Variants in MAGI1 observed in about 807,000 individuals in gnomAD.
The protein encoded by MAGI1 is membrane associated guanylate kinase, WW and PDZ domain containing 1.
A neutral mutation model predicts 139.9 loss-of-function variants in MAGI1; 58 were observed. The ratio of observed to expected loss-of-function variants is 0.41; its 90% CI spans 0.34 to 0.52. The LOEUF (loss-of-function observed/expected upper bound fraction) is 0.52. Ranked by LOEUF, MAGI1 falls within the 20% of genes least tolerant of loss-of-function variation. The probability of loss-of-function intolerance (pLI) is 0.12; values close to 1 mark genes in which losing one functional copy is unlikely to be tolerated. For synonymous variants in MAGI1, 812 were observed against 737.9 expected (o/e 1.10, Z -1.63); for missense variants, 1,874 against 1,901.6 (o/e 0.99, Z 0.27).
intron 1 of MAGI1, among the ~76,000 whole-genome samples, chr3:65,966,883 T>C (rs898711193): frequency 1.3e-5 from 2 of 152,236 alleles, no homozygotes; most frequent in African/African-American, 4.8e-5. Context: ...AACATTACTT[T>C]AGCACTTACT....
chr3:65,602,978 T>C (rs1443185161), intron 2 of MAGI1, among the ~76,000 whole-genome samples: 2 of 152,136 alleles, frequency 1.3e-5, no homozygotes, highest in African/African-American at 4.8e-5. Flanking sequence ...TACCAATTAA[T>C]TTAAAATCTA....
intron 1 of MAGI1, among the ~76,000 whole-genome samples, chr3:65,753,047 T>TG (rs1300632383): frequency 3.3e-5 from 5 of 152,120 alleles, no homozygotes; most frequent in Non-Finnish European, 7.4e-5. Context: ...TTTTGACAAG[T>TG]GTCAGAATGA....
At chr3:65,503,405 T>C (rs1437705135) in intron 2 of MAGI1, among the ~76,000 whole-genome samples, 5 of 152,168 alleles carry the variant, frequency 3.3e-5, no homozygotes, top group Admixed American at 1.3e-4. Flanking sequence ...AGAAGCACCA[T>C]TTTGAATAAT....
At chr3:65,777,866 TA>T (rs913840621) in intron 1 of MAGI1, among the ~76,000 whole-genome samples, 1 of 152,038 alleles carries the variant, frequency 6.6e-6, no homozygotes, top group Non-Finnish European at 1.5e-5. Flanking sequence ...TTAAATTATA[TA>T]AAAAATTTAG....
chr3:65,389,435 T>C lies in MAGI1; in HGVS notation c.2416+1707A>G, dbSNP rs3772192. Among the ~76,000 whole-genome samples, 81 of 152,258 alleles carry C rather than the reference T, an allele frequency of 5.3e-4. No homozygotes were observed. In the East Asian group the frequency reaches 0.015, roughly 27 times the overall value. On this transcript the variant is annotated intron_variant, in intron 14 of 22. Transcript: ENST00000402939. ...AAAAGATTCATACAGGAAAACTCAATCATAAATGTGTACTGTATTGAGGAG... is the reference window on the plus strand; with the variant it reads ...AAAAGATTCATACAGGAAAACTCAACCATAAATGTGTACTGTATTGAGGAG...
intron 2 of MAGI1, among the ~76,000 whole-genome samples, chr3:65,542,817 A>G (rs141372914): frequency 8.3e-4 from 127 of 152,328 alleles, no homozygotes; most frequent in African/African-American, 2.8e-3. Context: ...AACCTAGGCA[A>G]TATCATTCAG....
At chr3:65,559,797 G>A (rs1032206687) in intron 2 of MAGI1, among the ~76,000 whole-genome samples, 2 of 152,294 alleles carry the variant, frequency 1.3e-5, no homozygotes, top group Non-Finnish European at 2.9e-5. Flanking sequence ...AGCACTACGG[G>A]AGGCCAGCAG....
intron 18 of MAGI1, 148 bp downstream of exon 18, chr3:65,375,597 T>C: frequency 1.5e-6 from 1 of 674,838 alleles, no homozygotes; most frequent in South Asian, 1.9e-5. Flanking sequence ...GATGGGTATA[T>C]TTAGTTAGGG....
chr3:65,736,574 G>A (rs1280040275), intron 1 of MAGI1, among the ~76,000 whole-genome samples: 1 of 152,104 alleles, frequency 6.6e-6, no homozygotes, highest in African/African-American at 2.4e-5. Flanking sequence ...CCTGGGGTGG[G>A]TAAGGGCAGC....
intron 1 of MAGI1, among the ~76,000 whole-genome samples, chr3:66,021,106 T>C (rs1210402597): frequency 6.6e-6 from 1 of 152,210 alleles, no homozygotes; most frequent in African/African-American, 2.4e-5. Context: ...GTGGAGGCAC[T>C]GTCTTCTGTG....
chr3:65,837,529 T>C lies in MAGI1; in HGVS notation c.313+200467A>G, dbSNP rs1314808765. Reference sequence around the variant, plus strand: ...GAACCATAACCAGTAGATGCCTTCGTCCTCTGCTTCTATAAAATATGCCAC... The same window carrying C: ...GAACCATAACCAGTAGATGCCTTCGCCCTCTGCTTCTATAAAATATGCCAC... On this transcript the variant is annotated intron_variant, in intron 1 of 22. Transcript: ENST00000402939. Among the ~76,000 whole-genome samples the C allele has an allele frequency of 5.3e-5, 8 of 152,216 alleles. No homozygotes were observed. In the East Asian group the frequency reaches 1.5e-3, roughly 29 times the overall value.
intron 1 of MAGI1, among the ~76,000 whole-genome samples, chr3:65,915,342 T>C (rs1285443725): frequency 6.6e-6 from 1 of 152,246 alleles, no homozygotes; most frequent in African/African-American, 2.4e-5. Flanking sequence ...ACCAACGGGA[T>C]GCTAACACAT....
chr3:65,660,336 T>A (rs1270291622), intron 1 of MAGI1, among the ~76,000 whole-genome samples: 2 of 152,226 alleles, frequency 1.3e-5, no homozygotes, highest in Non-Finnish European at 2.9e-5. Context: ...CAGATAGACA[T>A]TAAATGCATA....
intron 21 of MAGI1, among the ~76,000 whole-genome samples, chr3:65,361,587 G>T (rs1045264861): frequency 6.6e-6 from 1 of 152,124 alleles, no homozygotes; most frequent in African/African-American, 2.4e-5. Context: ...TAATGGTTGG[G>T]GTAGGCAGCT....
rs560872135 is a variant in MAGI1 at position 65,962,289 on chromosome 3, T to A, written c.313+75707A>T. On this transcript the variant is annotated intron_variant, in intron 1 of 22. Transcript: ENST00000402939. Reference sequence around the variant, plus strand: ...ACCCGCCACCATGCCCGGCTAATTTTTTTTTGTATTTTTAGTAGAGACGGG... The same window carrying A: ...ACCCGCCACCATGCCCGGCTAATTTATTTTTGTATTTTTAGTAGAGACGGG... Among the ~76,000 whole-genome samples, 522 of 151,756 alleles carry A rather than the reference T, an allele frequency of 3.4e-3. 1 individual carries two copies. The highest frequency in any genetic ancestry group is 0.017 in the Middle Eastern group (5 of 294).
At chr3:65,948,405 CT>C (rs1427891732) in intron 1 of MAGI1, among the ~76,000 whole-genome samples, 1 of 152,150 alleles carries the variant, frequency 6.6e-6, no homozygotes, top group African/African-American at 2.4e-5. Context: ...TGAAAGTTCT[CT>C]TTATTGCAAT....
rs1365082275 is a variant in MAGI1 at position 66,031,497 on chromosome 3, A to G, written c.313+6499T>C. ...TGCCATTGCCACAGAAGGTCAAGTT[A>G]ATCTATTTTTAAATAACACAGCCAA... On this transcript the variant is annotated intron_variant, in intron 1 of 22. Transcript: ENST00000402939. Among the ~76,000 whole-genome samples, 8 of 152,176 alleles carry G rather than the reference A, an allele frequency of 5.3e-5. No homozygotes were observed. The East Asian group carries it at 1.5e-3, about 29-fold the overall frequency.
intron 1 of MAGI1, among the ~76,000 whole-genome samples, chr3:66,006,805 G>GGTTTGGTTTTGTTTTGTTTT (rs1553746280): frequency 6.8e-6 from 1 of 147,772 alleles, no homozygotes; most frequent in Admixed American, 6.8e-5. Flanking sequence ...TGAAGAACAT[G>GGTTTGGTTTTGTTTTGTTTT]GTTTTGTTTT....
rs1336572811 is a variant in MAGI1, at chr3:65,890,034, T to C, written c.313+147962A>G. The stretch of plus-strand genomic sequence containing the variant: ...TGCTGTTCACAGAAAAAAATAAAAG[T>C]GGGCAACCAGTTTTTAGCTCCAGAT... On this transcript the variant is annotated intron_variant, in intron 1 of 22. Coordinates refer to ENST00000402939, the MANE Select transcript of MAGI1 (RefSeq NM_001033057.2). 2.6e-5 allele frequency among the ~76,000 whole-genome samples: 4 copies of C among 152,128 alleles called. No individual in the cohort carries two copies. The East Asian group carries it at 7.7e-4, about 29-fold the overall frequency.
Sources: gnomAD v4.1 joint callset for allele counts (sites outside exome capture counted in the v4.1 genomes callset) on GRCh38, gnomAD v4.1.1 for gene constraint, MANE v1.5 for transcripts, NCBI Gene and HGNC (gene_info 2026-07-23, HGNC 2026-07-21) for gene names.